GPC5: variants seen among roughly 807,000 people sequenced by gnomAD.
The protein encoded by GPC5 is glypican 5.
GPC5 carries 47 observed loss-of-function variants against 53.9 expected under a neutral mutation model. The ratio of observed to expected loss-of-function variants is 0.87; its 90% confidence interval spans 0.69 to 1.11. The LOEUF is 1.11. GPC5 is among the 50% of genes most tolerant of loss of function. The pLI is 0.00. For synonymous variants in GPC5, 286 were observed against 263.3 expected (o/e 1.09, Z -0.84); for missense variants, 748 against 713.1 (o/e 1.05, Z -0.56).
At chr13:91,974,744 T>G (rs1227595481) in intron 6 of GPC5, among the ~76,000 whole-genome samples, 1 of 152,140 alleles carries the variant, frequency 6.6e-6, no homozygotes, top group African/African-American at 2.4e-5. Flanking sequence ...ACCAATGACT[T>G]TCCTCACAGA....
intron 2 of GPC5, among the ~76,000 whole-genome samples, chr13:91,653,616 TAATC>T (rs1474671312): frequency 2.0e-5 from 3 of 152,058 alleles, no homozygotes; most frequent in Non-Finnish European, 2.9e-5. Context: ...CAAAAAAACA[TAATC>T]AATCAAAGAA....
chr13:92,356,864 C>T (rs760674352), intron 7 of GPC5, among the ~76,000 whole-genome samples: 9 of 152,172 alleles, frequency 5.9e-5, no homozygotes, highest in Admixed American at 5.9e-4. Context: ...TCCTCCTCCC[C>T]ACTCCACCTT....
At chr13:92,063,339 A>G (rs2041139681) in intron 6 of GPC5, among the ~76,000 whole-genome samples, 1 of 152,060 alleles carries the variant, frequency 6.6e-6, no homozygotes. Flanking sequence ...TACTAACTTA[A>G]AATGTCATGG....
chr13:92,085,975 G>T (rs1026201881), intron 6 of GPC5, among the ~76,000 whole-genome samples: 6 of 152,158 alleles, frequency 3.9e-5, no homozygotes, highest in African/African-American at 9.7e-5. Context: ...GACTAGTATG[G>T]GTTTGGAGAC....
rs189434315 is a variant in GPC5 at position 92,657,681 on chromosome 13, G to A, written c.1562-208601G>A. On this transcript the variant is annotated intron_variant, in intron 7 of 7. Transcript: ENST00000377067. The stretch of plus-strand genomic sequence containing the variant: ...AATTTTAAAGGCCACCCTTTCAGTA[G>A]CATCAACATTAGTAACCTCAATGTA... Among the ~76,000 whole-genome samples, 308 of 145,036 alleles carry A rather than the reference G, an allele frequency of 2.1e-3. 1 individual carries two copies. Among genetic ancestry groups the A allele is most frequent in the South Asian group, 4.6e-3 (21 of 4,534 alleles).
chr13:92,402,785 C>A lies in GPC5; in HGVS notation c.1561+257796C>A, dbSNP rs577025694. Among the ~76,000 whole-genome samples, 279 of 152,244 alleles carry A rather than the reference C, an allele frequency of 1.8e-3. 2 individuals carry two copies. The highest frequency in any genetic ancestry group is 3.5e-3 in the Non-Finnish European group (238 of 68,014). On this transcript the variant is annotated intron_variant, in intron 7 of 7. Coordinates refer to ENST00000377067, the MANE Select transcript of GPC5 (RefSeq NM_004466.6). ...GACAAATCTGTAAGAATTTTGAAGTCAATTAAGAGCTATCCTTGAGTTAAC... is the reference window on the plus strand; with the variant it reads ...GACAAATCTGTAAGAATTTTGAAGTAAATTAAGAGCTATCCTTGAGTTAAC...
At position 92,131,470 on chromosome 13, in the gene GPC5, A is replaced by T. The variant is rs533407660; in HGVS notation, c.1402-13360A>T. Reference sequence around the variant, plus strand: ...CATCTAATAACACAGTTATATATTTATAAAATGGAATACCCCTATTAAAAT... The same window carrying T: ...CATCTAATAACACAGTTATATATTTTTAAAATGGAATACCCCTATTAAAAT... On this transcript the variant is annotated intron_variant, in intron 6 of 7. Transcript: ENST00000377067. Among the ~76,000 whole-genome samples, 67 of 152,142 alleles carry T rather than the reference A, an allele frequency of 4.4e-4. No homozygotes were observed. In the East Asian group the frequency reaches 5.6e-3, roughly 13 times the overall value.
rs554263183 is a variant in GPC5 at position 91,992,673 on chromosome 13, G to T, written c.1401+84616G>T. 2.0e-5 allele frequency among the ~76,000 whole-genome samples: 3 copies of T among 151,716 alleles called. No homozygotes were observed. The East Asian group carries it at 5.9e-4, about 30-fold the overall frequency. ...GAGATTCACTGTGTTGGCCAGGCTG[G>T]TTTTGAACACCTGACCTCATGATCT... On this transcript the variant is annotated intron_variant, in intron 6 of 7. Coordinates refer to ENST00000377067, the MANE Select transcript of GPC5 (RefSeq NM_004466.6).
chr13:92,543,490 GT>G (rs1881997699), intron 7 of GPC5, among the ~76,000 whole-genome samples: 2 of 152,116 alleles, frequency 1.3e-5, no homozygotes, highest in South Asian at 4.1e-4. Context: ...CAAGGTACTA[GT>G]TTCTCAGAAA....
At chr13:91,729,146 A>G (rs1482411155) in intron 4 of GPC5, among the ~76,000 whole-genome samples, 2 of 152,210 alleles carry the variant, frequency 1.3e-5, no homozygotes, top group East Asian at 1.9e-4. Context: ...AAAAAGTTGA[A>G]TAAGAAGAAG....
intron 5 of GPC5, among the ~76,000 whole-genome samples, chr13:91,797,883 C>G (rs148821709): frequency 4.6e-5 from 7 of 152,114 alleles, no homozygotes; most frequent in Non-Finnish European, 1.0e-4. Context: ...AGATTGACAG[C>G]GTGGTTGACA....
At chr13:91,729,955 G>A (rs1449187723) in intron 4 of GPC5, among the ~76,000 whole-genome samples, 1 of 152,178 alleles carries the variant, frequency 6.6e-6, no homozygotes, top group Non-Finnish European at 1.5e-5. Context: ...GCTCATACAA[G>A]TGAAAGGTTT....
intron 5 of GPC5, among the ~76,000 whole-genome samples, chr13:91,827,110 C>T (rs1393583452): frequency 1.3e-5 from 2 of 151,672 alleles, no homozygotes; most frequent in Non-Finnish European, 2.9e-5. Context: ...ATGATAAATG[C>T]TTGTGGTGGA....
chr13:92,514,310 A>ACTATGG (rs1487703971), intron 7 of GPC5, among the ~76,000 whole-genome samples: 6 of 152,002 alleles, frequency 3.9e-5, no homozygotes, highest in African/African-American at 1.5e-4. Context: ...TAAGACATAT[A>ACTATGG]CTATGGTGAT....
rs550940302 is a variant in GPC5, at chr13:92,052,310, G to A, written c.1402-92520G>A. Reference sequence around the variant, plus strand: ...TCTTGGTCTCACCGACTTCAAGAATGAAGCCATGGACCTTCGCAGTGAGTG... The same window carrying A: ...TCTTGGTCTCACCGACTTCAAGAATAAAGCCATGGACCTTCGCAGTGAGTG... On this transcript the variant is annotated intron_variant, in intron 6 of 7. Transcript: ENST00000377067. Among the ~76,000 whole-genome samples the A allele has an allele frequency of 2.0e-5, 3 of 152,308 alleles. No homozygotes were observed. The South Asian group carries it at 6.2e-4, about 32-fold the overall frequency.
chr13:92,093,347 A>G (rs2041395887), intron 6 of GPC5, among the ~76,000 whole-genome samples: 1 of 152,170 alleles, frequency 6.6e-6, no homozygotes, highest in African/African-American at 2.4e-5. Flanking sequence ...TTTTCTTTCC[A>G]AGACAAATAT....
chr13:91,707,444 G>C (rs920656346), intron 3 of GPC5, among the ~76,000 whole-genome samples: 3 of 151,914 alleles, frequency 2.0e-5, no homozygotes, highest in African/African-American at 7.3e-5. Flanking sequence ...GCAACATAGC[G>C]AGACACCATC....
At chr13:92,853,312 G>T (rs1878876648) in intron 7 of GPC5, among the ~76,000 whole-genome samples, 2 of 144,620 alleles carry the variant, frequency 1.4e-5, no homozygotes, top group African/African-American at 5.3e-5. Context: ...ACATTCACAT[G>T]ACACAGATGG....
At chr13:92,720,956 T>G (rs1888492640) in intron 7 of GPC5, among the ~76,000 whole-genome samples, 1 of 152,078 alleles carries the variant, frequency 6.6e-6, no homozygotes, top group South Asian at 2.1e-4. Context: ...TTTGTGGCAA[T>G]TTCCTTTCTG....
Sources: allele counts gnomAD v4.1 joint callset (sites outside exome capture counted in the v4.1 genomes callset), GRCh38; gene constraint gnomAD v4.1.1; transcripts MANE v1.5; gene names NCBI Gene and HGNC (gene_info 2026-07-23, HGNC 2026-07-21).